Variants in CSGALNACT1 observed in about 807,000 individuals in gnomAD.
The protein encoded by CSGALNACT1 is beta4GalNAcT-1.
In CSGALNACT1, 52 loss-of-function variants were observed where a neutral mutation model predicts 51.0. That is an observed-to-expected ratio of 1.02 (90% CI 0.82 to 1.29). CSGALNACT1 has a LOEUF of 1.29. Among genes scored for constraint, CSGALNACT1 ranks in the 50% most tolerant of loss-of-function variants. The pLI is 0.00. For synonymous variants in CSGALNACT1, 341 were observed against 254.4 expected (o/e 1.34, Z -3.24); for missense variants, 935 against 679.2 (o/e 1.38, Z -4.19).
At chr8:19,500,727 G>C (rs905110409) in intron 4 of CSGALNACT1, among the ~76,000 whole-genome samples, 1 of 152,212 alleles carries the variant, frequency 6.6e-6, no homozygotes, top group Non-Finnish European at 1.5e-5. Flanking sequence ...TGTGTTTATA[G>C]CTATCTCCCT....
chr8:19,518,903 T>C (rs1381070405), intron 3 of CSGALNACT1, among the ~76,000 whole-genome samples: 3 of 152,132 alleles, frequency 2.0e-5, no homozygotes, highest in African/African-American at 7.2e-5. Context: ...CAGGCTCAAC[T>C]TTATTTATTT....
chr8:19,505,498 G>C, exon 4 of CSGALNACT1: 2 of 1,614,070 alleles, frequency 1.2e-6, no homozygotes, highest in Non-Finnish European at 8.5e-7. Context: ...GTTTTCTCTG[G>C]GGGGCTCCTG....
chr8:19,708,036 CA>C (rs1309971549), intron 1 of CSGALNACT1, among the ~76,000 whole-genome samples: 1 of 152,012 alleles, frequency 6.6e-6, no homozygotes, highest in Non-Finnish European at 1.5e-5. Flanking sequence ...TAGATATAAA[CA>C]ACAAAAAAAC....
At chr8:19,420,050 A>G (rs943497100) in intron 7 of CSGALNACT1, among the ~76,000 whole-genome samples, 1 of 152,092 alleles carries the variant, frequency 6.6e-6, no homozygotes, top group African/African-American at 2.4e-5. Context: ...GCCATGATAG[A>G]CTTCCCTTTG....
chr8:19,453,739 C>T (rs953409352), intron 5 of CSGALNACT1, among the ~76,000 whole-genome samples: 30 of 152,214 alleles, frequency 2.0e-4, no homozygotes, highest in African/African-American at 7.2e-4. Context: ...TGGTGAAACC[C>T]AATCTCTACT....
In CSGALNACT1 at chr8:19,680,017, G is replaced by A. The variant is rs75990427; in HGVS notation, c.-544+2456C>T. Reference sequence around the variant, plus strand: ...GTAGCAAAATTCTAAAAATAGCCACGACAAACTTTAGTTCTGAAAGTTTAC... The same window carrying A: ...GTAGCAAAATTCTAAAAATAGCCACAACAAACTTTAGTTCTGAAAGTTTAC... On this transcript the variant is annotated intron_variant, in intron 1 of 9. Coordinates refer to the CSGALNACT1 transcript ENST00000332246. Among the ~76,000 whole-genome samples the A allele has an allele frequency of 3.4e-3, 517 of 152,104 alleles. 4 individuals carry two copies. Among genetic ancestry groups the A allele is most frequent in the South Asian group, 0.014 (69 of 4,808 alleles).
At chr8:19,410,420 C>T (rs953227893) in intron 8 of CSGALNACT1, among the ~76,000 whole-genome samples, 6 of 152,192 alleles carry the variant, frequency 3.9e-5, no homozygotes, top group African/African-American at 1.2e-4. Context: ...AGCGAATAGA[C>T]TAATATTCCT....
intron 1 of CSGALNACT1, among the ~76,000 whole-genome samples, chr8:19,647,110 T>C (rs1178064930): frequency 1.3e-5 from 2 of 152,018 alleles, no homozygotes; most frequent in African/African-American, 4.8e-5. Context: ...GAAGGTCAGC[T>C]TCTGAAGGAC....
upstream of CSGALNACT1, among the ~76,000 whole-genome samples, chr8:19,604,546 T>G (rs762618786): frequency 3.9e-5 from 6 of 152,102 alleles, no homozygotes; most frequent in Non-Finnish European, 5.9e-5. Context: ...AAGCGAGCCT[T>G]TGCTCTGTTG....
chr8:19,610,289 C>CAAAAA (rs58262538), intron 1 of CSGALNACT1, among the ~76,000 whole-genome samples: 6,386 of 47,492 alleles, frequency 0.13, 543 homozygotes, highest in African/African-American at 0.18. Context: ...GACTCCGTCT[C>CAAAAA]AAAAAAAAAA....
intron 4 of CSGALNACT1, among the ~76,000 whole-genome samples, chr8:19,463,781 G>T (rs936977380): frequency 6.6e-6 from 1 of 152,088 alleles, no homozygotes; most frequent in African/African-American, 2.4e-5. Flanking sequence ...TTTGAGTTTG[G>T]TGTAATTACT....
intron 1 of CSGALNACT1, among the ~76,000 whole-genome samples, chr8:19,623,721 A>C (rs1417008035): frequency 6.6e-6 from 1 of 152,254 alleles, no homozygotes; most frequent in African/African-American, 2.4e-5. Context: ...TTAACCAATA[A>C]ACTTTTAAAG....
chr8:19,634,355 A>G (rs2055723561), intron 1 of CSGALNACT1, among the ~76,000 whole-genome samples: 2 of 152,110 alleles, frequency 1.3e-5, no homozygotes. Flanking sequence ...TGATGGGATT[A>G]GCGCCCTTAC....
chr8:19,489,124 C>T (rs2073795479), intron 4 of CSGALNACT1, among the ~76,000 whole-genome samples: 1 of 152,068 alleles, frequency 6.6e-6, no homozygotes, highest in Non-Finnish European at 1.5e-5. Context: ...GTGTGAGTCC[C>T]TAGTCAGACA....
At chr8:19,508,344 C>G (rs2077773813) in intron 3 of CSGALNACT1, among the ~76,000 whole-genome samples, 1 of 152,218 alleles carries the variant, frequency 6.6e-6, no homozygotes, top group African/African-American at 2.4e-5. Context: ...TATTTCTCAA[C>G]TTTTCTGAGA....
intron 6 of CSGALNACT1, among the ~76,000 whole-genome samples, chr8:19,436,321 A>T (rs1218052033): frequency 1.3e-5 from 2 of 152,144 alleles, no homozygotes; most frequent in African/African-American, 4.8e-5. Flanking sequence ...TAGAGTGAAC[A>T]GGTGGTGGTA....
At chr8:19,724,876 G>C (rs1371299588) in intron 1 of CSGALNACT1, among the ~76,000 whole-genome samples, 1 of 152,156 alleles carries the variant, frequency 6.6e-6, no homozygotes, top group Non-Finnish European at 1.5e-5. Context: ...TGCCACATGT[G>C]CTTGGTGGCC....
chr8:19,733,679 G>A (rs2063809629), intron 1 of CSGALNACT1, among the ~76,000 whole-genome samples: 1 of 152,188 alleles, frequency 6.6e-6, no homozygotes, highest in South Asian at 2.1e-4. Flanking sequence ...GCTAAATTAT[G>A]CATGCTTTTC....
At chr8:19,528,911 G>A (rs111368056) in intron 3 of CSGALNACT1, among the ~76,000 whole-genome samples, 5 of 152,154 alleles carry the variant, frequency 3.3e-5, no homozygotes, top group Non-Finnish European at 7.3e-5. Flanking sequence ...TGGAAGAAGT[G>A]GGATGTGACT....
Sources: gnomAD v4.1 joint callset for allele counts (sites outside exome capture counted in the v4.1 genomes callset) on GRCh38, gnomAD v4.1.1 for gene constraint, MANE v1.5 for transcripts, NCBI Gene and HGNC (gene_info 2026-07-23, HGNC 2026-07-21) for gene names.